The following KLF13 variants were observed in gnomAD, a reference collection of about 807,000 sequenced individuals.
The protein encoded by KLF13 is KLF transcription factor 13.
Under a neutral mutation model 16.7 loss-of-function variants are expected in KLF13, and 8 were observed. The observed-to-expected ratio is 0.48, with a 90% CI of 0.28 to 0.87. The LOEUF is 0.87. KLF13 is among the 40% of genes least tolerant of loss of function. The pLI, the probability that KLF13 is intolerant of heterozygous loss-of-function variation, is 0.10. For synonymous variants in KLF13, 245 were observed against 208.4 expected (o/e 1.18, Z -1.51); for missense variants, 447 against 452.2 (o/e 0.99, Z 0.10).
intron 1 of KLF13, among the ~76,000 whole-genome samples, chr15:31,387,551 G>A (rs1251353462): frequency 6.6e-6 from 1 of 152,132 alleles, no homozygotes; most frequent in Admixed American, 6.5e-5. Context: ...TCACTTTATT[G>A]TGATATTTGC....
At chr15:31,368,961 A>G (rs1188349134) in intron 1 of KLF13, among the ~76,000 whole-genome samples, 1 of 152,156 alleles carries the variant, frequency 6.6e-6, no homozygotes, top group Non-Finnish European at 1.5e-5. Context: ...AGTTGTCTTG[A>G]TGGTTACTGC....
At chr15:31,328,502 C>T (rs1341674811) in intron 1 of KLF13, among the ~76,000 whole-genome samples, 2 of 152,020 alleles carry the variant, frequency 1.3e-5, no homozygotes, top group Admixed American at 6.5e-5. Flanking sequence ...GCCCTAGGCT[C>T]CTCGGCCTCG....
intron 1 of KLF13, among the ~76,000 whole-genome samples, chr15:31,355,313 A>G (rs528693734): frequency 5.9e-5 from 9 of 152,320 alleles, no homozygotes; most frequent in East Asian, 3.9e-4. Flanking sequence ...GCACTCTCCA[A>G]TGGCTTCTGA....
At chr15:31,344,723 C>T (rs1266126905) in intron 1 of KLF13, among the ~76,000 whole-genome samples, 1 of 144,240 alleles carries the variant, frequency 6.9e-6, no homozygotes, top group East Asian at 1.9e-4. Context: ...TTATTCTAAA[C>T]CTAATGGAAC....
At chr15:31,432,993 T>G (rs1440387884) in intron 1 of KLF13, among the ~76,000 whole-genome samples, 1 of 152,162 alleles carries the variant, frequency 6.6e-6, no homozygotes, top group East Asian at 1.9e-4. Context: ...ACATGCCTGA[T>G]TCCAGCGCCC....
intron 1 of KLF13, among the ~76,000 whole-genome samples, chr15:31,347,525 G>T (rs2039142993): frequency 6.6e-6 from 1 of 152,212 alleles, no homozygotes. Flanking sequence ...GAGAGAGGCA[G>T]GATGTGGGGC....
At chr15:31,356,618 G>A (rs2140952767) in intron 1 of KLF13, among the ~76,000 whole-genome samples, 1 of 152,354 alleles carries the variant, frequency 6.6e-6, no homozygotes, top group South Asian at 2.1e-4. Context: ...AGGAGAATGG[G>A]AGGCCATTGT....
At chr15:31,416,003 A>G (rs749989450) in intron 1 of KLF13, among the ~76,000 whole-genome samples, 1 of 152,162 alleles carries the variant, frequency 6.6e-6, no homozygotes, top group Non-Finnish European at 1.5e-5. Context: ...TACCGACTTT[A>G]CAGAAGTAAA....
At chr15:31,388,242 G>A (rs12438318), upstream of KLF13, among the ~76,000 whole-genome samples, 7,626 of 152,232 alleles carry the variant, frequency 0.05, 285 homozygotes, top group East Asian at 0.13. Flanking sequence ...CATGTCTAGG[G>A]TATAGAATGC....
chr15:31,384,991 A>G (rs537198439), intron 1 of KLF13, among the ~76,000 whole-genome samples: 1 of 152,298 alleles, frequency 6.6e-6, no homozygotes, highest in South Asian at 2.1e-4. Context: ...TGATTAGACC[A>G]TGAGGGTGGA....
At position 31,372,494 on chromosome 15, in the gene KLF13, G is replaced by A; in HGVS notation, c.*195G>A. ...TTCAAAAAACACCACCCACCAAATT[G>A]CACAATAGATACACCCACAAAGTTG... is the stretch of plus-strand genomic sequence containing the variant. On this transcript the variant is annotated 3_prime_UTR_variant, in exon 2 of 2. Coordinates refer to ENST00000307145, the MANE Select transcript of KLF13 (RefSeq NM_015995.4). 5.0e-6 allele frequency: 3 copies of A among 602,662 alleles called. No individual in the cohort carries two copies. Among genetic ancestry groups the A allele is most frequent in the South Asian group, 2.6e-5 (1 of 38,220 alleles). 37.3% of individuals were successfully genotyped at this position (602,662 alleles called of 1,614,324 possible). A position where few individuals can be genotyped will look rare whatever the true frequency, so the allele number is the denominator to read the frequency against.
At chr15:31,347,876 T>G (rs2039149868) in intron 1 of KLF13, among the ~76,000 whole-genome samples, 1 of 152,102 alleles carries the variant, frequency 6.6e-6, no homozygotes, top group Non-Finnish European at 1.5e-5. Flanking sequence ...CAGGAAGGTG[T>G]GTTGTTGGCT....
intron 2 of KLF13, among the ~76,000 whole-genome samples, chr15:31,402,565 C>T (rs746431750): frequency 3.3e-5 from 5 of 152,238 alleles, no homozygotes; most frequent in East Asian, 1.9e-4. Context: ...TGCAGGGTCT[C>T]GTGCTCAGGT....
At chr15:31,405,056 A>C (rs1055275457), downstream of KLF13, among the ~76,000 whole-genome samples, 1 of 152,176 alleles carries the variant, frequency 6.6e-6, no homozygotes, top group Non-Finnish European at 1.5e-5. Flanking sequence ...CCTGAAACTC[A>C]TATGTTGAGT....
chr15:31,383,626 C>A (rs186369544), intron 1 of KLF13, among the ~76,000 whole-genome samples: 1 of 152,206 alleles, frequency 6.6e-6, no homozygotes, highest in African/African-American at 2.4e-5. Context: ...ATGGGCCGGG[C>A]GCGGTGGCTC....
chr15:31,406,431 A>G (rs989488199), downstream of KLF13, among the ~76,000 whole-genome samples: 1 of 152,212 alleles, frequency 6.6e-6, no homozygotes, highest in African/African-American at 2.4e-5. Flanking sequence ...TCTGTTGTTT[A>G]TAACCAACCC....
At chr15:31,352,290 A>G (rs56238848) in intron 1 of KLF13, among the ~76,000 whole-genome samples, 5,690 of 152,304 alleles carry the variant, frequency 0.037, 363 homozygotes, top group African/African-American at 0.13. Context: ...ATTGTCTCAC[A>G]GCAGAGGCTT....
rs781535344 is a variant in KLF13, at chr15:31,342,294, C to T, written c.577+14505C>T. Among the ~76,000 whole-genome samples, 5 of 152,276 alleles carry T rather than the reference C, an allele frequency of 3.3e-5. 1 individual carries two copies. Among genetic ancestry groups the T allele is most frequent in the South Asian group, 4.1e-4 (2 of 4,824 alleles). ...GACCCCACCCCAAGGAAAGGACTTTCGGAGACCAGGCATTCTCTGGGTGAG... is the reference window on the plus strand; with the variant it reads ...GACCCCACCCCAAGGAAAGGACTTTTGGAGACCAGGCATTCTCTGGGTGAG... On this transcript the variant is annotated intron_variant, in intron 1 of 1. Coordinates refer to ENST00000307145, the MANE Select transcript of KLF13 (RefSeq NM_015995.4).
chr15:31,346,574 C>T (rs1023183114), intron 1 of KLF13, among the ~76,000 whole-genome samples: 1 of 152,240 alleles, frequency 6.6e-6, no homozygotes, highest in African/African-American at 2.4e-5. Context: ...ATGCTGCCCC[C>T]TGCCCCAGCT....
Sources: allele counts gnomAD v4.1 joint callset (sites outside exome capture counted in the v4.1 genomes callset), GRCh38; gene constraint gnomAD v4.1.1; transcripts MANE v1.5; gene names NCBI Gene and HGNC (gene_info 2026-07-23, HGNC 2026-07-21).